XKR5: variants seen among roughly 807,000 people sequenced by gnomAD.
The protein encoded by XKR5 is XK related 5.
Under a neutral mutation model 40.8 loss-of-function variants are expected in XKR5, and 46 were observed. That is an observed-to-expected ratio of 1.13 (90% CI 0.89 to 1.44). The LOEUF is 1.44. Ranked by LOEUF, XKR5 falls within the 40% of genes most tolerant of loss-of-function variation. The pLI is 0.00. For synonymous variants in XKR5, 466 were observed against 356.1 expected (o/e 1.31, Z -3.48); for missense variants, 1,169 against 844.7 (o/e 1.38, Z -4.76).
At chr8:6,818,424 G>T (rs1804066090) in intron 5 of XKR5, among the ~76,000 whole-genome samples, 6 of 152,204 alleles carry the variant, frequency 3.9e-5, no homozygotes, top group Admixed American at 3.3e-4. Context: ...TGTCTTTGTG[G>T]CACTGAGACA....
Position 6,811,974 on chromosome 8 carries a change from G to T in XKR5, c.1285C>A (p.Pro429Thr), listed in dbSNP as rs961743206. The T allele has an allele frequency of 6.5e-7, 1 of 1,537,198 alleles. No individual in the cohort carries two copies. Among genetic ancestry groups the T allele is most frequent in the African/African-American group, 1.4e-5 (1 of 73,050 alleles). The change falls in exon 7 of 7, where the codon CCT becomes ACT. Residue 429 changes from proline (P) to threonine (T), a missense_variant. Transcript: ENST00000618742. ...KINAAFGDNSPAYCPPAWGLS... is the reference protein window; with the variant it reads ...KINAAFGDNSTAYCPPAWGLS... ...CCCCATGCAGGTGGACAATAGGCAG[G>T]ACTGTTATCTCCAAAGGCGGCATTG... is the stretch of plus-strand genomic sequence containing the variant.
At chr8:6,824,262 C>T (rs1048780465) in intron 3 of XKR5, among the ~76,000 whole-genome samples, 10 of 145,078 alleles carry the variant, frequency 6.9e-5, no homozygotes, top group Non-Finnish European at 6.0e-5. Context: ...CAATTGTGGA[C>T]ACTCAGCAAA....
rs1301575469 is a variant in XKR5 at position 6,835,505 on chromosome 8, A to AC, written c.-13dup. ...AGCCTCGCGTGCATCTTCCGTGCCG[A>AC]CCCCGCAGCCTGCGCCCGCCCCTTC... is the stretch of plus-strand genomic sequence containing the variant. On this transcript the variant is annotated 5_prime_UTR_variant, in exon 1 of 7. Transcript: ENST00000618742. The AC allele has an allele frequency of 6.7e-7, 1 of 1,494,364 alleles. No individual in the cohort carries two copies. Among genetic ancestry groups the AC allele is most frequent in the Admixed American group, 2.2e-5 (1 of 46,262 alleles). 92.6% of individuals were successfully genotyped at this position (1,494,364 alleles called of 1,614,324 possible).
intron 6 of XKR5, among the ~76,000 whole-genome samples, chr8:6,814,981 G>T (rs1441774796): frequency 2.6e-5 from 4 of 152,220 alleles, no homozygotes; most frequent in African/African-American, 9.6e-5. Context: ...CAGGGTGTGG[G>T]TGACAGAGAG....
In XKR5 at chr8:6,822,084, G is replaced by C. The variant is rs1212548098; in HGVS notation, c.638-46C>G. 6.5e-6 allele frequency: 10 copies of C among 1,543,834 alleles called. No homozygotes were observed. In the African/African-American group the frequency reaches 1.4e-4, roughly 21 times the overall value. On this transcript the variant is annotated intron_variant, in intron 4 of 6. Coordinates refer to ENST00000618742, the MANE Select transcript of XKR5 (RefSeq NM_207411.5). The stretch of plus-strand genomic sequence containing the variant: ...GACGTCAGGGTCCATGCAAGGAGAT[G>C]GGGGGACAGGCAAGGACACAGAGAC...
chr8:6,832,102 C>G lies in XKR5; in HGVS notation c.242+615G>C, dbSNP rs1206567518. On this transcript the variant is annotated intron_variant, in intron 2 of 6. Transcript: ENST00000618742. ...AGCTGAAATGTGCCCTTGATATAAACTCACTGACACATCTCTTCTCATAGC... is the reference window on the plus strand; with the variant it reads ...AGCTGAAATGTGCCCTTGATATAAAGTCACTGACACATCTCTTCTCATAGC... Among the ~76,000 whole-genome samples, 4 of 150,002 alleles carry G rather than the reference C, an allele frequency of 2.7e-5. No homozygotes were observed. In the East Asian group the frequency reaches 8.0e-4, roughly 30 times the overall value.
intron 5 of XKR5, among the ~76,000 whole-genome samples, chr8:6,820,396 C>A (rs180902744): frequency 6.6e-6 from 1 of 152,164 alleles, no homozygotes; most frequent in African/African-American, 2.4e-5. Flanking sequence ...GCTTTCTTTC[C>A]TTCTCTAACA....
At chr8:6,819,928 G>A (rs922777617) in intron 5 of XKR5, among the ~76,000 whole-genome samples, 1 of 146,658 alleles carries the variant, frequency 6.8e-6, no homozygotes, top group Non-Finnish European at 1.5e-5. Context: ...TGCCCCCGAT[G>A]TCTGTTTCAT....
At position 6,808,721 on chromosome 8, in the gene XKR5, T is replaced by A. The variant is rs1048546470; in HGVS notation, c.*2477A>T. On this transcript the variant is annotated 3_prime_UTR_variant, in exon 7 of 7. Coordinates refer to ENST00000618742, the MANE Select transcript of XKR5 (RefSeq NM_207411.5). ...CAGTGCCTGTCATACTCAACTAATA[T>A]TCCTTAAATGAATGAATGAATGAAG... 1 of 152,164 alleles carries A rather than the reference T, an allele frequency of 6.6e-6. No individual in the cohort carries two copies. The highest frequency in any genetic ancestry group is 1.5e-5 in the Non-Finnish European group (1 of 68,042). The allele number at this position is 152,164 out of a possible 1,614,324, so 9.4% of individuals were successfully genotyped here. A position where few individuals can be genotyped will look rare whatever the true frequency, so the allele number is the denominator to read the frequency against.
At chr8:6,827,233 G>T (rs530208200) in intron 2 of XKR5, among the ~76,000 whole-genome samples, 11 of 152,290 alleles carry the variant, frequency 7.2e-5, no homozygotes, top group African/African-American at 2.6e-4. Context: ...GATGACCACA[G>T]CCGCCTGCAC....
At position 6,828,922 on chromosome 8, in the gene XKR5, C is replaced by G. The variant is rs562872088; in HGVS notation, c.243-3573G>C. ...CTAGGAAATTCTTACCCTTTAGTCT[C>G]AAGAACCTCATCCTAATTTCCCATA... On this transcript the variant is annotated intron_variant, in intron 2 of 6. Transcript: ENST00000618742. Among the ~76,000 whole-genome samples the G allele has an allele frequency of 6.6e-4, 101 of 152,288 alleles. 1 individual carries two copies. The South Asian group carries it at 0.019, about 29-fold the overall frequency.
In XKR5 at chr8:6,812,337, T is replaced by C; in HGVS notation, c.922A>G (p.Ser308Gly). The change falls in exon 7 of 7, where the codon AGT (serine) becomes GGT (glycine). Residue 308 changes from serine (S) to glycine (G), a missense_variant and splice_region_variant. Coordinates refer to ENST00000618742, the MANE Select transcript of XKR5 (RefSeq NM_207411.5). ...AGVLSGFLIGSVSLVIYYSLL... is the reference protein window; with the variant it reads ...AGVLSGFLIGGVSLVIYYSLL... ...CTGTAATAAATTACCAGTGAGACAC[T>C]GCCTGAAAAAGAACAAAAAGACCAC... The C allele has an allele frequency of 6.5e-7, 1 of 1,538,796 alleles. No homozygotes were observed. Among genetic ancestry groups the C allele is most frequent in the Non-Finnish European group, 8.8e-7 (1 of 1,141,682 alleles).
intron 4 of XKR5, 94 bp downstream of exon 4, chr8:6,823,427 G>C: frequency 7.4e-7 from 1 of 1,356,850 alleles, no homozygotes; most frequent in Non-Finnish European, 1.0e-6. Flanking sequence ...TTCAGGCCTG[G>C]GATTGAGGAT....
intron 3 of XKR5, 50 bp from the exon 4 acceptor site, chr8:6,823,780 C>A: frequency 6.9e-7 from 1 of 1,448,174 alleles, no homozygotes; most frequent in Non-Finnish European, 9.5e-7. Context: ...TCCGAAGTAA[C>A]AGTACCTTGT....
chr8:6,821,804 C>T, intron 5 of XKR5, 65 bp downstream of exon 5: 1 of 1,474,816 alleles, frequency 6.8e-7, no homozygotes. Context: ...CCCCCACACA[C>T]ACCCACACAC....
chr8:6,824,298 G>T (rs1430994069), intron 3 of XKR5, among the ~76,000 whole-genome samples: 1 of 151,834 alleles, frequency 6.6e-6, no homozygotes, highest in Non-Finnish European at 1.5e-5. Flanking sequence ...GAAGATGGAA[G>T]GGGAGAGGTG....
At position 6,825,182 on chromosome 8, in the gene XKR5, A is replaced by C. The variant is rs1038728381; in HGVS notation, c.410T>G (p.Phe137Cys). ...TTACTCACCTGGCACAATATCTGTG[A>C]AGTCTGAGGCTAGAAAAACATATGT... ...LQTYVFLASD[F>C]TDIVPGVSTL... The change falls in exon 3 of 7, where the codon TTC (phenylalanine) becomes TGC (cysteine). Residue 137 changes from phenylalanine (F) to cysteine (C), a missense_variant. Coordinates refer to ENST00000618742, the MANE Select transcript of XKR5 (RefSeq NM_207411.5). The C allele has an allele frequency of 6.2e-7, 1 of 1,613,470 alleles. No individual in the cohort carries two copies. Among genetic ancestry groups the C allele is most frequent in the Admixed American group, 1.7e-5 (1 of 59,956 alleles).
chr8:6,818,011 C>T (rs1804040990), intron 5 of XKR5, among the ~76,000 whole-genome samples: 1 of 152,182 alleles, frequency 6.6e-6, no homozygotes, highest in South Asian at 2.1e-4. Context: ...GATGTTCCTC[C>T]TCCTTCCTCC....
chr8:6,825,754 G>C (rs1026757177), intron 2 of XKR5, among the ~76,000 whole-genome samples: 1 of 152,146 alleles, frequency 6.6e-6, no homozygotes, highest in Non-Finnish European at 1.5e-5. Context: ...GGTACTGTGT[G>C]TTATCATCTC....
Sources: gnomAD v4.1 joint callset for allele counts (sites outside exome capture counted in the v4.1 genomes callset) on GRCh38, gnomAD v4.1.1 for gene constraint, MANE v1.5 for transcripts, NCBI Gene and HGNC (gene_info 2026-07-23, HGNC 2026-07-21) for gene names.